The following LLGL2 variants were observed in gnomAD, a reference collection of about 807,000 sequenced individuals.
The protein encoded by LLGL2 is LLGL2, scribble cell polarity complex component.
A neutral mutation model predicts 123.2 loss-of-function variants in LLGL2; 81 were observed. That is an observed-to-expected ratio of 0.66 (90% CI 0.55 to 0.79). LLGL2 has a LOEUF of 0.79. Ranked by LOEUF, LLGL2 falls within the 30% of genes least tolerant of loss-of-function variation. The pLI, the probability that LLGL2 is intolerant of heterozygous loss-of-function variation, is 0.00. For missense variants in LLGL2, 1,273 were observed against 1,414.6 expected (o/e 0.90, Z 1.61); for synonymous variants, 577 against 594.1 (o/e 0.97, Z 0.42).
chr17:75,572,163 G>A (rs2055743725), intron 19 of LLGL2, 99 bp downstream of exon 19: 4 of 1,218,804 alleles, frequency 3.3e-6, no homozygotes, highest in Non-Finnish European at 3.5e-6. Flanking sequence ...AGTCTTGTTT[G>A]CAGTTGGTGT....
chr17:75,563,223 G>C, intron 7 of LLGL2, 45 bp downstream of exon 7: 1 of 1,610,378 alleles, frequency 6.2e-7, no homozygotes, highest in Non-Finnish European at 8.5e-7. Flanking sequence ...TGCTCTCCCA[G>C]GGCCCCAAGT....
intron 1 of LLGL2, among the ~76,000 whole-genome samples, chr17:75,534,028 G>GT (rs149736062): frequency 0.15 from 22,901 of 152,278 alleles, 2,122 homozygotes; most frequent in African/African-American, 0.25. Flanking sequence ...GGGCAGGTAG[G>GT]AGGCCCTAGA....
chr17:75,534,098 A>G (rs931249503), intron 1 of LLGL2, among the ~76,000 whole-genome samples: 1 of 152,250 alleles, frequency 6.6e-6, no homozygotes, highest in Non-Finnish European at 1.5e-5. Flanking sequence ...CAGGTGGTCC[A>G]TCTTCTCCCC....
intron 2 of LLGL2, among the ~76,000 whole-genome samples, chr17:75,555,634 C>A (rs2054875519): frequency 6.6e-6 from 1 of 152,102 alleles, no homozygotes; most frequent in Admixed American, 6.5e-5. Flanking sequence ...AGCTGCGGTG[C>A]AACCAAGATT....
chr17:75,573,716 G>A, intron 21 of LLGL2, 85 bp downstream of exon 21: 1 of 1,379,364 alleles, frequency 7.2e-7, no homozygotes, highest in Non-Finnish European at 9.7e-7. Flanking sequence ...CTGCTGCCTG[G>A]CTGGAGGCAC....
At chr17:75,560,826 A>C (rs1015159708) in intron 6 of LLGL2, among the ~76,000 whole-genome samples, 3,018 of 98,058 alleles carry the variant, frequency 0.031, 104 homozygotes, top group Middle Eastern at 0.058. Flanking sequence ...AAAAAAAAAA[A>C]AAAAAACAAA....
intron 2 of LLGL2, among the ~76,000 whole-genome samples, chr17:75,554,978 T>C (rs2054840567): frequency 6.7e-6 from 1 of 148,938 alleles, no homozygotes; most frequent in African/African-American, 2.5e-5. Context: ...GATCATGAGG[T>C]CAGGAGATAG....
intron 2 of LLGL2, 82 bp from the exon 3 acceptor site, chr17:75,555,964 C>A: frequency 2.8e-6 from 3 of 1,059,628 alleles, no homozygotes; most frequent in Non-Finnish European, 2.9e-6. Context: ...CCTGCTGGGT[C>A]GTCTGGTGCT....
At chr17:75,565,644 T>G (rs1175910651) in intron 10 of LLGL2, among the ~76,000 whole-genome samples, 2 of 152,168 alleles carry the variant, frequency 1.3e-5, no homozygotes, top group Non-Finnish European at 2.9e-5. Context: ...GGGAAGAAAC[T>G]TGCTGAGCTA....
At position 75,567,488 on chromosome 17, in the gene LLGL2, A is replaced by G. The variant is rs986736621; in HGVS notation, c.1037-988A>G. 1.8e-4 allele frequency among the ~76,000 whole-genome samples: 27 copies of G among 151,782 alleles called. 1 individual carries two copies. Among genetic ancestry groups the G allele is most frequent in the African/African-American group, 6.3e-4 (26 of 41,368 alleles). ...TCAAAAAATAAAAAAGAAAAACAAA[A>G]ATTAGCCAGGCGTGGTGGTGAGTGC... On this transcript the variant is annotated intron_variant, in intron 10 of 25. Coordinates refer to ENST00000392550, the MANE Select transcript of LLGL2 (RefSeq NM_001031803.2).
intron 3 of LLGL2, among the ~76,000 whole-genome samples, chr17:75,557,549 C>A (rs1264342867): frequency 2.0e-5 from 3 of 152,236 alleles, no homozygotes; most frequent in Admixed American, 2.0e-4. Flanking sequence ...GATGAGGGAC[C>A]ACCTCCAATA....
intron 1 of LLGL2, among the ~76,000 whole-genome samples, chr17:75,532,863 G>T (rs998034111): frequency 3.3e-5 from 5 of 152,230 alleles, no homozygotes; most frequent in Admixed American, 2.0e-4. Context: ...GCCTTGGCCG[G>T]AGACTTGAGG....
At chr17:75,545,079 C>T (rs1267227448) in intron 2 of LLGL2, among the ~76,000 whole-genome samples, 2 of 152,052 alleles carry the variant, frequency 1.3e-5, no homozygotes, top group Non-Finnish European at 2.9e-5. Context: ...TGGCAGAAAC[C>T]TGACAGGCTC....
Position 75,549,749 on chromosome 17 carries a change from G to A in LLGL2, c.75+6248G>A, listed in dbSNP as rs568144660. On this transcript the variant is annotated intron_variant, in intron 2 of 25. Transcript: ENST00000392550. This position sits in a 1 kb window ranked among gnomAD's most constrained non-coding sequence, Gnocchi z 4.0. ...CCTTCCCACCCCCTGAGGAGTGCCA[G>A]GGACTCCTCCTCAGGTCCTAGCCCT... is the stretch of plus-strand genomic sequence containing the variant. 6.6e-6 allele frequency among the ~76,000 whole-genome samples: 1 copy of A among 152,304 alleles called. No individual in the cohort carries two copies. Among genetic ancestry groups the A allele is most frequent in the Non-Finnish European group, 1.5e-5 (1 of 68,010 alleles).
intron 2 of LLGL2, among the ~76,000 whole-genome samples, chr17:75,547,539 G>A (rs765048911): frequency 1.3e-5 from 2 of 152,164 alleles, no homozygotes; most frequent in East Asian, 1.9e-4. Flanking sequence ...TTAAATTGAC[G>A]AGAGGCGGGG....
Position 75,559,015 on chromosome 17 carries a change from A to G in LLGL2, c.372-237A>G, listed in dbSNP as rs567151958. 1.4e-5 allele frequency: 8 copies of G among 589,782 alleles called. No individual in the cohort carries two copies. The highest frequency in any genetic ancestry group is 2.4e-5 in the Non-Finnish European group (8 of 335,210). 36.5% of individuals were successfully genotyped at this position (589,782 alleles called of 1,614,324 possible). ...CCTCCATCTGCACCCCGCCTCCTCC[A>G]TCCGCACCCCGTGTTATGCTGGAGG... On this transcript the variant is annotated intron_variant, in intron 5 of 25. Coordinates refer to ENST00000392550, the MANE Select transcript of LLGL2 (RefSeq NM_001031803.2). The surrounding 1 kb of genome is among the most constrained non-coding windows in gnomAD (Gnocchi z 4.6).
At position 75,564,537 on chromosome 17, in the gene LLGL2, G is replaced by C. The variant is rs745654893; in HGVS notation, c.1036+30G>C. On this transcript the variant is annotated intron_variant, in intron 10 of 25. Transcript: ENST00000392550. The surrounding 1 kb of genome is among the most constrained non-coding windows in gnomAD (Gnocchi z 4.9). ...GAGAGCTTCGGGAGTGGGTGCCCAG[G>C]GTTAGGTGTGGGAGGCATGGGGCAG... 4.3e-6 allele frequency: 7 copies of C among 1,612,372 alleles called. No individual in the cohort carries two copies. The Admixed American group carries it at 1.2e-4, about 27-fold the overall frequency.
chr17:75,554,830 A>C (rs1010303991), intron 2 of LLGL2, among the ~76,000 whole-genome samples: 9 of 150,616 alleles, frequency 6.0e-5, no homozygotes, highest in Non-Finnish European at 1.0e-4. Context: ...CGGAGCTTAT[A>C]GTGAGCTGAG....
rs553929286 is a variant in LLGL2, at chr17:75,559,393, G to C, written c.513G>C (p.Ser171=). 6 of 1,610,366 alleles carry C rather than the reference G, an allele frequency of 3.7e-6. No individual in the cohort carries two copies. The South Asian group carries it at 6.6e-5, about 18-fold the overall frequency. ...FRALEDRTIS[S]DAVLQRLPEE... ...CGCTGGAGGACCGGACCATCAGCTC[G>C]GACGCGGTGCTGCAGCGGTGAGCCC... Residue 171 remains serine (S), a synonymous_variant, in exon 6 of 26, where the codon TCG becomes TCC. Coordinates refer to ENST00000392550, the MANE Select transcript of LLGL2 (RefSeq NM_001031803.2). This position sits in a 1 kb window ranked among gnomAD's most constrained non-coding sequence, Gnocchi z 4.6.
Sources: gnomAD v4.1 joint callset for allele counts (sites outside exome capture counted in the v4.1 genomes callset) on GRCh38, gnomAD v4.1.1 for gene constraint, Gnocchi (gnomAD v3.1) non-coding constraint, MANE v1.5 for transcripts, NCBI Gene and HGNC (gene_info 2026-07-23, HGNC 2026-07-21) for gene names.